Variants in PAK4 observed in about 807,000 individuals in gnomAD.
PAK4 encodes the protein serine/threonine-protein kinase PAK 4.
A neutral mutation model predicts 53.5 loss-of-function variants in PAK4; 49 were observed. The observed-to-expected ratio is 0.92, with a 90% confidence interval of 0.73 to 1.16. The LOEUF (loss-of-function observed/expected upper bound fraction) is 1.16, where lower values mean the gene tolerates loss of function less well. Among genes scored for constraint, PAK4 ranks in the 50% most tolerant of loss-of-function variants. PAK4 has a pLI of 0.00. For synonymous variants in PAK4, 376 were observed against 375.6 expected (o/e 1.00, Z -0.01); for missense variants, 824 against 850.7 (o/e 0.97, Z 0.39).
chr19:39,167,384 G>A (rs141667326), intron 1 of PAK4, among the ~76,000 whole-genome samples: 1 of 152,302 alleles, frequency 6.6e-6, no homozygotes, highest in East Asian at 1.9e-4. Flanking sequence ...GGGGACTGTT[G>A]GGGTATGTGG....
At chr19:39,152,837 A>G (rs1361117066) in intron 1 of PAK4, among the ~76,000 whole-genome samples, 5 of 152,172 alleles carry the variant, frequency 3.3e-5, no homozygotes, top group African/African-American at 9.7e-5. Flanking sequence ...CTGTATATAT[A>G]GTTGGCCCTG....
intron 1 of PAK4, among the ~76,000 whole-genome samples, chr19:39,145,160 GA>G (rs1384734448): frequency 6.6e-6 from 1 of 152,134 alleles, no homozygotes; most frequent in African/African-American, 2.4e-5. Context: ...AGAGAAGAGA[GA>G]ATCACCTGCT....
intron 1 of PAK4, among the ~76,000 whole-genome samples, chr19:39,166,712 C>A (rs1048797328): frequency 2.0e-5 from 3 of 152,186 alleles, no homozygotes; most frequent in Admixed American, 2.0e-4. Context: ...TCCCTCCCTG[C>A]ACCTGGGCAA....
intron 1 of PAK4, among the ~76,000 whole-genome samples, chr19:39,140,502 C>T (rs768117517): frequency 2.3e-4 from 35 of 152,312 alleles, no homozygotes; most frequent in Middle Eastern, 6.8e-3. Flanking sequence ...CCCGGGAGTC[C>T]TCTACTGCCA....
chr19:39,169,126 T>A (rs1315790659), intron 1 of PAK4, among the ~76,000 whole-genome samples: 2 of 151,282 alleles, frequency 1.3e-5, no homozygotes, highest in Non-Finnish European at 3.0e-5. Flanking sequence ...TGCCTTGGGG[T>A]GGTCAGGAAA....
At chr19:39,165,559 T>A (rs1373848120) in intron 1 of PAK4, among the ~76,000 whole-genome samples, 1 of 151,058 alleles carries the variant, frequency 6.6e-6, no homozygotes, top group Non-Finnish European at 1.5e-5. Context: ...AATAAAATAA[T>A]AATAGACAAA....
chr19:39,148,369 T>A (rs1445289956), intron 1 of PAK4, among the ~76,000 whole-genome samples: 1 of 151,938 alleles, frequency 6.6e-6, no homozygotes, highest in African/African-American at 2.4e-5. Flanking sequence ...CAAAAGTTTT[T>A]AATTTTGTAT....
At chr19:39,172,626 A>G (rs1056980371) in intron 2 of PAK4, among the ~76,000 whole-genome samples, 1 of 151,958 alleles carries the variant, frequency 6.6e-6, no homozygotes, top group Non-Finnish European at 1.5e-5. Context: ...GGGCAGGACT[A>G]TTCCACCAGT....
intron 1 of PAK4, among the ~76,000 whole-genome samples, chr19:39,169,023 A>G (rs1008267647): frequency 2.0e-5 from 3 of 152,224 alleles, no homozygotes; most frequent in Admixed American, 6.5e-5. Flanking sequence ...TGCTGCACTC[A>G]TGAACCTAAG....
In PAK4 at chr19:39,175,413, C is replaced by A; in HGVS notation, c.1334C>A (p.Ser445Ter). ...ATCCACCGGGACATCAAGAGCGACTCGATCCTGCTGACCCATGATGGCAGG... is the reference window on the plus strand; with the variant it reads ...ATCCACCGGGACATCAAGAGCGACTAGATCCTGCTGACCCATGATGGCAGG... Residue 445 changes from serine (S) to a stop codon, truncating the protein, a stop_gained, in exon 6 of 9, where the codon TCG (serine) becomes TAG (stop). Coordinates refer to ENST00000358301, the Ensembl canonical transcript of PAK4. LOFTEE classifies it high-confidence loss of function. This position sits in a 1 kb window ranked among gnomAD's most constrained non-coding sequence, Gnocchi z 4.7. 1 of 1,611,876 alleles carries A rather than the reference C, an allele frequency of 6.2e-7. No individual in the cohort carries two copies. Among genetic ancestry groups the A allele is most frequent in the Non-Finnish European group, 8.5e-7 (1 of 1,179,488 alleles).
intron 1 of PAK4, among the ~76,000 whole-genome samples, chr19:39,139,213 G>A (rs1481496265): frequency 1.3e-5 from 2 of 152,170 alleles, no homozygotes; most frequent in African/African-American, 4.8e-5. Flanking sequence ...AGCACCTCTG[G>A]GAAGCCTCCT....
intron 7 of PAK4, 133 bp downstream of exon 8, chr19:39,176,848 C>A: frequency 9.6e-7 from 1 of 1,041,604 alleles, no homozygotes; most frequent in Non-Finnish European, 1.4e-6. Context: ...CAAGGAGGTA[C>A]TGCAGGCATG....
chr19:39,174,038 GCTGGTCCT>G, intron 4 of PAK4, 28 bp downstream of exon 5: 1 of 1,460,316 alleles, frequency 6.8e-7, no homozygotes, highest in South Asian at 1.3e-5. Context: ...CTGCCGCCCT[GCTGGTCCT>G]CCCACCCCTC....
chr19:39,153,419 C>T (rs1371743525), intron 1 of PAK4, among the ~76,000 whole-genome samples: 11 of 151,784 alleles, frequency 7.2e-5, no homozygotes, highest in Middle Eastern at 3.2e-3. Flanking sequence ...CCACCACACC[C>T]GGCTAATTTT....
At chr19:39,164,322 AC>A (rs2074334187) in intron 1 of PAK4, among the ~76,000 whole-genome samples, 1 of 151,284 alleles carries the variant, frequency 6.6e-6, no homozygotes, top group African/African-American at 2.4e-5. Context: ...ACACACAAGC[AC>A]GCCATATATG....
At chr19:39,143,947 G>T (rs1252577151) in intron 1 of PAK4, among the ~76,000 whole-genome samples, 1 of 151,952 alleles carries the variant, frequency 6.6e-6, no homozygotes, top group Non-Finnish European at 1.5e-5. Context: ...TACTCAGGAG[G>T]CTGAGGTGGG....
intron 2 of PAK4, among the ~76,000 whole-genome samples, chr19:39,171,173 C>G (rs1299411317): frequency 6.6e-6 from 1 of 151,794 alleles, no homozygotes; most frequent in Non-Finnish European, 1.5e-5. Flanking sequence ...TTGACCGGGC[C>G]TCAGGCCTCC....
Position 39,175,456 on chromosome 19 carries a change from G to A in PAK4, c.1359+18G>A, listed in dbSNP as rs182823543. 7,695 of 1,596,556 alleles carry A rather than the reference G, an allele frequency of 4.8e-3. 22 individuals carry two copies. Among genetic ancestry groups the A allele is most frequent in the Non-Finnish European group, 5.4e-3 (6,383 of 1,171,234 alleles). ...ATGGCAGGGTGAGGGGACGGGCGGC[G>A]GGGTACGGGGGCGGCAGGTTTCCGG... On this transcript the variant is annotated intron_variant, in intron 6 of 8. Transcript: ENST00000358301. The surrounding 1 kb of genome is among the most constrained non-coding windows in gnomAD (Gnocchi z 4.7).
At chr19:39,160,282 G>A (rs2074262852) in intron 1 of PAK4, among the ~76,000 whole-genome samples, 1 of 152,224 alleles carries the variant, frequency 6.6e-6, no homozygotes, top group Non-Finnish European at 1.5e-5. Flanking sequence ...CTTTGGTAAT[G>A]GCATCACCCA....
Sources: allele counts gnomAD v4.1 joint callset (sites outside exome capture counted in the v4.1 genomes callset), GRCh38; gene constraint gnomAD v4.1.1; non-coding constraint Gnocchi (gnomAD v3.1); transcripts MANE v1.5; gene names NCBI Gene and HGNC (gene_info 2026-07-23, HGNC 2026-07-21).